Variants in DOCK1 observed in about 807,000 individuals in gnomAD.
DOCK1 encodes the protein dedicator of cytokinesis 1, also known as dedicator of cytokinesis protein 1.
DOCK1 carries 138 observed loss-of-function variants against 262.7 expected under a neutral mutation model. The observed-to-expected ratio is 0.53, with a 90% CI of 0.46 to 0.61. DOCK1 has a LOEUF of 0.61. Ranked by LOEUF, DOCK1 falls within the 20% of genes least tolerant of loss-of-function variation. The pLI is 0.00. For missense variants in DOCK1, 1,908 were observed against 2,370.7 expected, an observed-to-expected ratio of 0.80 and a Z score of 4.05; for synonymous variants, 866 against 867.4, an observed-to-expected ratio of 1.00 and a Z score of 0.03.
At chr10:127,029,299 G>C (rs2043086759) in intron 16 of DOCK1, among the ~76,000 whole-genome samples, 1 of 152,184 alleles carries the variant, frequency 6.6e-6, no homozygotes. Flanking sequence ...CAGATACCTG[G>C]GGCAGAAACA....
At chr10:126,920,287 C>T (rs892020760) in intron 1 of DOCK1, among the ~76,000 whole-genome samples, 5 of 152,198 alleles carry the variant, frequency 3.3e-5, no homozygotes, top group African/African-American at 1.2e-4. Flanking sequence ...ATTAAAGTTC[C>T]TTCTTAATAA....
chr10:127,441,993 C>T (rs1008832939), intron 49 of DOCK1, among the ~76,000 whole-genome samples: 1 of 152,150 alleles, frequency 6.6e-6, no homozygotes, highest in Admixed American at 6.5e-5. Flanking sequence ...CTCTTGCCAG[C>T]ACATTCACCT....
chr10:127,431,768 C>T (rs11592985), intron 47 of DOCK1, among the ~76,000 whole-genome samples: 2,447 of 152,276 alleles, frequency 0.016, 32 homozygotes, highest in South Asian at 0.028. Flanking sequence ...TTTGTGCTGT[C>T]GTGGCAGCGC....
chr10:127,004,660 G>GA (rs550022153), intron 10 of DOCK1, among the ~76,000 whole-genome samples: 2 of 151,822 alleles, frequency 1.3e-5, no homozygotes, highest in African/African-American at 4.8e-5. Context: ...GAGGTGGGGG[G>GA]ATCACCTGAG....
intron 1 of DOCK1, among the ~76,000 whole-genome samples, chr10:126,952,756 GTAT>G (rs1332199781): frequency 6.6e-6 from 1 of 152,220 alleles, no homozygotes; most frequent in African/African-American, 2.4e-5. Context: ...ATTGGTGGTA[GTAT>G]TGTTGGTGAT....
intron 23 of DOCK1, among the ~76,000 whole-genome samples, chr10:127,087,131 T>TA (rs2047245381): frequency 1.3e-5 from 2 of 152,190 alleles, no homozygotes; most frequent in Admixed American, 6.5e-5. Flanking sequence ...AGCTTGTTCT[T>TA]AGAGCACCAG....
intron 1 of DOCK1, among the ~76,000 whole-genome samples, chr10:126,934,251 A>G (rs2034392645): frequency 1.3e-5 from 2 of 152,206 alleles, no homozygotes; most frequent in Admixed American, 1.3e-4. Context: ...TTTATTACCA[A>G]AACAAAACAG....
chr10:127,171,926 A>G (rs1386652752), intron 27 of DOCK1, among the ~76,000 whole-genome samples: 1 of 152,130 alleles, frequency 6.6e-6, no homozygotes, highest in Non-Finnish European at 1.5e-5. Context: ...ACTGGTCTCA[A>G]ACTCCTGACC....
At chr10:127,287,177 G>A (rs916795175) in intron 29 of DOCK1, among the ~76,000 whole-genome samples, 2 of 151,148 alleles carry the variant, frequency 1.3e-5, no homozygotes, top group African/African-American at 4.9e-5. Flanking sequence ...AAAGTGCTGG[G>A]ATTACAGGCA....
rs564357660 is a variant in DOCK1, at chr10:126,981,041, G to A, written c.172-877G>A. ...CTGCTCACTGCAACCTCCACTTCCC[G>A]GGTTCAAGCGATTCTCCTGCCTCAG... is the stretch of plus-strand genomic sequence containing the variant. On this transcript the variant is annotated intron_variant, in intron 3 of 51. Transcript: ENST00000623213. 4.7e-5 allele frequency among the ~76,000 whole-genome samples: 7 copies of A among 148,040 alleles called. No individual in the cohort carries two copies. In the East Asian group the frequency reaches 8.4e-4, roughly 18 times the overall value.
chr10:127,028,413 T>C (rs947062722), intron 16 of DOCK1, among the ~76,000 whole-genome samples: 3 of 152,212 alleles, frequency 2.0e-5, no homozygotes, highest in African/African-American at 7.2e-5. Context: ...TATTGTGTTA[T>C]TTGGATTCGT....
At chr10:126,970,375 T>C (rs1394692199) in intron 1 of DOCK1, among the ~76,000 whole-genome samples, 2 of 152,210 alleles carry the variant, frequency 1.3e-5, no homozygotes, top group Non-Finnish European at 2.9e-5. Context: ...CCATGTGCAA[T>C]TGATTCATAG....
intron 27 of DOCK1, among the ~76,000 whole-genome samples, chr10:127,198,730 C>T (rs1346007301): frequency 7.2e-6 from 1 of 139,066 alleles, no homozygotes; most frequent in Non-Finnish European, 1.5e-5. Context: ...CTATTAAAAT[C>T]ATTGGCATCG....
intron 13 of DOCK1, among the ~76,000 whole-genome samples, chr10:127,022,152 A>G (rs569075143): frequency 3.3e-5 from 5 of 151,298 alleles, no homozygotes; most frequent in African/African-American, 9.7e-5. Flanking sequence ...TACCCCCTAC[A>G]ATTAAAAGCC....
chr10:126,949,111 C>T (rs1028742516), intron 1 of DOCK1, among the ~76,000 whole-genome samples: 6 of 152,208 alleles, frequency 3.9e-5, no homozygotes, highest in Non-Finnish European at 5.9e-5. Flanking sequence ...GTGCATCCTG[C>T]CCTTGCTGCC....
chr10:127,364,644 G>A (rs913872996), intron 33 of DOCK1, among the ~76,000 whole-genome samples: 4 of 152,192 alleles, frequency 2.6e-5, no homozygotes, highest in Non-Finnish European at 5.9e-5. Context: ...GATTACAGGC[G>A]TGAGCCACCG....
chr10:127,023,751 C>T (rs2042620025), intron 14 of DOCK1, among the ~76,000 whole-genome samples: 1 of 152,084 alleles, frequency 6.6e-6, no homozygotes, highest in Admixed American at 6.5e-5. Context: ...TCCCTGTGGT[C>T]TTGACCACCT....
At chr10:126,958,338 C>T (rs986009207) in intron 1 of DOCK1, among the ~76,000 whole-genome samples, 5 of 152,092 alleles carry the variant, frequency 3.3e-5, no homozygotes, top group Non-Finnish European at 5.9e-5. Context: ...TTGTGTAATA[C>T]GCAGGAATGT....
intron 2 of DOCK1, 56 bp from the exon 3 acceptor site, chr10:126,977,892 G>T: frequency 6.4e-7 from 1 of 1,555,538 alleles, no homozygotes; most frequent in Non-Finnish European, 8.9e-7. Context: ...TGAATGTATT[G>T]TGAGGACCCT....
Sources: allele counts gnomAD v4.1 joint callset (sites outside exome capture counted in the v4.1 genomes callset), GRCh38; gene constraint gnomAD v4.1.1; transcripts MANE v1.5; gene names NCBI Gene and HGNC (gene_info 2026-07-23, HGNC 2026-07-21).